The following PLCG2 variants were observed in gnomAD, a reference collection of about 807,000 sequenced individuals.
PLCG2 encodes the protein 1-phosphatidylinositol 4,5-bisphosphate phosphodiesterase gamma-2.
A neutral mutation model predicts 175.6 loss-of-function variants in PLCG2; 69 were observed. The ratio of observed to expected loss-of-function variants is 0.39; its 90% CI spans 0.32 to 0.48. PLCG2 has a LOEUF of 0.48. PLCG2 is among the 20% of genes least tolerant of loss of function. PLCG2 has a pLI of 0.91. For synonymous variants in PLCG2, 827 were observed against 624.0 expected (o/e 1.33, Z -4.85); for missense variants, 1,798 against 1,650.9 (o/e 1.09, Z -1.54).
intron 2 of PLCG2, among the ~76,000 whole-genome samples, chr16:81,768,932 C>A (rs1325359922): frequency 6.6e-6 from 1 of 152,156 alleles, no homozygotes; most frequent in East Asian, 1.9e-4. Flanking sequence ...ACCAGTTGGT[C>A]TTCCCCAGCA....
intron 26 of PLCG2, chr16:81,935,954 G>T (rs142797744): frequency 1.0e-6 from 1 of 984,790 alleles, no homozygotes; most frequent in African/African-American, 1.7e-5. Flanking sequence ...AAAAGGTGGT[G>T]GGAAAACTAG....
At chr16:81,952,430 A>G (rs1911404130) in intron 31 of PLCG2, among the ~76,000 whole-genome samples, 1 of 152,186 alleles carries the variant, frequency 6.6e-6, no homozygotes, top group Non-Finnish European at 1.5e-5. Context: ...ATAAAAAGAA[A>G]TCAGGGCTCC....
chr16:81,833,276 A>G (rs1285108999), intron 2 of PLCG2, among the ~76,000 whole-genome samples: 1 of 152,172 alleles, frequency 6.6e-6, no homozygotes, highest in African/African-American at 2.4e-5. Context: ...TGTGTGTTAG[A>G]GTCACTGGGC....
rs550063097 is a variant in PLCG2, at chr16:81,800,912, G to A, written c.193+14730G>A. On this transcript the variant is annotated intron_variant, in intron 2 of 32. Transcript: ENST00000564138. ...GGGAGGCAGGAGGGTCAGAGTCAGA[G>A]TGAGACTGGAAGATGGCACCAGCTG... Among the ~76,000 whole-genome samples, 7 of 152,288 alleles carry A rather than the reference G, an allele frequency of 4.6e-5. No homozygotes were observed. In the East Asian group the frequency reaches 1.4e-3, roughly 29 times the overall value.
chr16:81,851,800 AC>A (rs199617993), intron 2 of PLCG2, among the ~76,000 whole-genome samples: 9,783 of 152,266 alleles, frequency 0.064, 350 homozygotes, highest in Non-Finnish European at 0.087. Flanking sequence ...GGCGTGGGCC[AC>A]CAGTGCCCGG....
intron 1 of PLCG2, among the ~76,000 whole-genome samples, chr16:81,779,943 C>T (rs942671586): frequency 2.6e-5 from 4 of 152,216 alleles, no homozygotes; most frequent in African/African-American, 9.6e-5. Context: ...GATGCCCGCT[C>T]CGCAGCTGTC....
intron 30 of PLCG2, among the ~76,000 whole-genome samples, chr16:81,945,607 C>A (rs1471656815): frequency 6.6e-6 from 1 of 152,166 alleles, no homozygotes; most frequent in Non-Finnish European, 1.5e-5. Flanking sequence ...CCAACTTGCC[C>A]CCCTCAGCCC....
chr16:81,823,882 CT>C (rs1410660760), intron 2 of PLCG2, among the ~76,000 whole-genome samples: 1 of 148,376 alleles, frequency 6.7e-6, no homozygotes, highest in East Asian at 2.0e-4. Context: ...TTTTTTCTTC[CT>C]TCTTTTCTTT....
At chr16:81,867,920 C>T (rs371935269) in intron 5 of PLCG2, among the ~76,000 whole-genome samples, 7 of 152,118 alleles carry the variant, frequency 4.6e-5, no homozygotes, top group Admixed American at 1.3e-4. Flanking sequence ...AGGATGGTCT[C>T]GATCCTCTGA....
intron 2 of PLCG2, among the ~76,000 whole-genome samples, chr16:81,787,359 C>T (rs1164867583): frequency 6.6e-6 from 1 of 150,562 alleles, no homozygotes; most frequent in Non-Finnish European, 1.5e-5. Flanking sequence ...GTAGCTGGGA[C>T]CATGGGAATG....
At chr16:81,743,208 G>A (rs1946660254) in intron 1 of PLCG2, among the ~76,000 whole-genome samples, 1 of 152,156 alleles carries the variant, frequency 6.6e-6, no homozygotes, top group South Asian at 2.1e-4. Context: ...AAAGATAGCT[G>A]GGCATGGTGG....
chr16:81,937,224 G>C (rs1012702444), intron 27 of PLCG2: 1 of 152,324 alleles, frequency 6.6e-6, no homozygotes, highest in Non-Finnish European at 1.5e-5. Flanking sequence ...GTATGACTTC[G>C]CTGAGTTTTG....
intron 5 of PLCG2, among the ~76,000 whole-genome samples, chr16:81,866,053 G>A (rs563656907): frequency 3.1e-5 from 4 of 127,220 alleles, no homozygotes; most frequent in Non-Finnish European, 6.6e-5. Context: ...ATGAGAGGAC[G>A]CTGGCCTCTC....
intron 22 of PLCG2, among the ~76,000 whole-genome samples, chr16:81,924,058 G>A (rs941611231): frequency 6.6e-6 from 1 of 152,190 alleles, no homozygotes; most frequent in Admixed American, 6.5e-5. Flanking sequence ...ATTCAAATTC[G>A]TATGCTGTTC....
chr16:81,881,874 A>G (rs1048679439), intron 8 of PLCG2, among the ~76,000 whole-genome samples: 3 of 150,706 alleles, frequency 2.0e-5, no homozygotes, highest in African/African-American at 7.3e-5. Flanking sequence ...CTGGTGTTGA[A>G]CTCATGACCT....
At chr16:81,791,512 C>T (rs1911229885) in intron 2 of PLCG2, among the ~76,000 whole-genome samples, 1 of 152,196 alleles carries the variant, frequency 6.6e-6, no homozygotes, top group African/African-American at 2.4e-5. Flanking sequence ...AATCTTCACT[C>T]ACACATCTGA....
rs556598849 is a variant in PLCG2, at chr16:81,859,878, T to C, written c.479+715T>C. On this transcript the variant is annotated intron_variant, in intron 5 of 32. Coordinates refer to ENST00000564138, the MANE Select transcript of PLCG2 (RefSeq NM_002661.5). ...GCTGGTAGAGATGTGTTGGGTGATG[T>C]GATAACGTATATTCAGTTTACTTGA... Among the ~76,000 whole-genome samples, 16 of 152,294 alleles carry C rather than the reference T, an allele frequency of 1.1e-4. No homozygotes were observed. The East Asian group carries it at 2.9e-3, about 28-fold the overall frequency.
In PLCG2 at chr16:81,900,761, G is replaced by T; in HGVS notation, c.1343G>T (p.Arg448Leu). The T allele has an allele frequency of 6.2e-7, 1 of 1,601,290 alleles. No individual in the cohort carries two copies. The highest frequency in any genetic ancestry group is 8.6e-7 in the Non-Finnish European group (1 of 1,169,326). The change falls in exon 14 of 33, where the codon CGG becomes CTG. Residue 448 changes from arginine to leucine, a missense_variant. By Grantham distance (102) the Arg-to-Leu change is moderately radical. Transcript: ENST00000564138. ...ADQLPSPSQLREKIIIKHKKL... is the reference protein window; with the variant it reads ...ADQLPSPSQLLEKIIIKHKKL... Reference sequence around the variant, plus strand: ...CAGCTGCCCTCGCCCAGCCAGCTGCGGGAGAAGATCATCATCAAGGTAGGC... The same window carrying T: ...CAGCTGCCCTCGCCCAGCCAGCTGCTGGAGAAGATCATCATCAAGGTAGGC...
chr16:81,938,589 C>T (rs1256328032), intron 28 of PLCG2: 22 of 566,758 alleles, frequency 3.9e-5, no homozygotes, highest in Admixed American at 1.3e-4. Flanking sequence ...CATATGGGGC[C>T]GAGACCCAGG....
Sources: allele counts gnomAD v4.1 joint callset (sites outside exome capture counted in the v4.1 genomes callset), GRCh38; gene constraint gnomAD v4.1.1; transcripts MANE v1.5; gene names NCBI Gene and HGNC (gene_info 2026-07-23, HGNC 2026-07-21).